Variants in EEIG1 observed in about 807,000 individuals in gnomAD.
The protein encoded by EEIG1 is early estrogen-induced gene 1 protein.
the EEIG1 span, among the ~76,000 whole-genome samples, chr9:127,954,203 G>A: frequency 2.0e-5 from 3 of 152,228 alleles, no homozygotes; most frequent in South Asian, 2.1e-4. Flanking sequence ...GCAACCTGCA[G>A]AGCCTCCCTC....
chr9:127,980,145 T>G, the EEIG1 span: 5 of 1,610,896 alleles, frequency 3.1e-6, no homozygotes, highest in East Asian at 9.0e-5. Context: ...CATGAGCGAG[T>G]TCCCTGAGTC....
chr9:127,980,139 A>G, the EEIG1 span: 1 of 1,611,870 alleles, frequency 6.2e-7, no homozygotes, highest in Non-Finnish European at 8.5e-7. Context: ...GAAAGCCATG[A>G]GCGAGTTCCC....
the EEIG1 span, among the ~76,000 whole-genome samples, chr9:127,975,315 C>T: frequency 1.4e-3 from 209 of 152,176 alleles, 2 homozygotes; most frequent in African/African-American, 4.8e-3. Context: ...TTGTGGTGGG[C>T]GGCCACGCGC....
At chr9:127,953,330 G>A in the EEIG1 span, 3 of 559,962 alleles carry the variant, frequency 5.4e-6, no homozygotes, top group South Asian at 7.0e-5. Flanking sequence ...CTGGAGAGAG[G>A]AAAGGGGACA....
the EEIG1 span, chr9:127,943,600 G>A: frequency 7.2e-6 from 2 of 276,354 alleles, no homozygotes; most frequent in Non-Finnish European, 1.4e-5. Flanking sequence ...AACCTGGTCA[G>A]CTCCTTTCCC....
chr9:127,949,034 G>A, the EEIG1 span, among the ~76,000 whole-genome samples: 55 of 151,414 alleles, frequency 3.6e-4, no homozygotes, highest in East Asian at 1.0e-2. Context: ...TGAGGCTTTC[G>A]GCCGGGTGCC....
At chr9:127,950,099 C>G in the EEIG1 span, among the ~76,000 whole-genome samples, 1 of 152,236 alleles carries the variant, frequency 6.6e-6, no homozygotes, top group African/African-American at 2.4e-5. Context: ...AAAGATACCA[C>G]AGCTCGTGGG....
the EEIG1 span, chr9:127,942,919 T>A: frequency 2.0e-6 from 1 of 504,644 alleles, no homozygotes; most frequent in Non-Finnish European, 3.6e-6. Context: ...GCCCACAAGC[T>A]GCACGGGCCC....
the EEIG1 span, among the ~76,000 whole-genome samples, chr9:127,960,931 G>A: frequency 1.3e-5 from 2 of 152,040 alleles, no homozygotes; most frequent in African/African-American, 4.8e-5. Context: ...CCCACGGGAA[G>A]AGGCAAGCAG....
At chr9:127,970,309 G>A in the EEIG1 span, among the ~76,000 whole-genome samples, 19,399 of 152,014 alleles carry the variant, frequency 0.13, 1,332 homozygotes, top group South Asian at 0.22. Flanking sequence ...AGTAGAGACG[G>A]GGTTTCACCT....
At chr9:127,971,792 A>G in the EEIG1 span, among the ~76,000 whole-genome samples, 1 of 152,354 alleles carries the variant, frequency 6.6e-6, no homozygotes. Context: ...CACAGAGTGT[A>G]CAAGGCCAAA....
the EEIG1 span, among the ~76,000 whole-genome samples, chr9:127,945,139 G>C: frequency 6.6e-6 from 1 of 152,170 alleles, no homozygotes; most frequent in Non-Finnish European, 1.5e-5. The surrounding 1 kb of genome is among the most constrained non-coding windows in gnomAD (Gnocchi z 6.5). Flanking sequence ...CCACCTAGCA[G>C]ATCGTGCTCT....
the EEIG1 span, among the ~76,000 whole-genome samples, chr9:127,977,028 C>A: frequency 4.6e-5 from 7 of 151,810 alleles, no homozygotes; most frequent in Non-Finnish European, 7.4e-5. Flanking sequence ...GGGTAGGAAC[C>A]CAGGAACCCA....
the EEIG1 span, among the ~76,000 whole-genome samples, chr9:127,960,715 T>C: frequency 6.6e-6 from 1 of 152,136 alleles, no homozygotes; most frequent in Non-Finnish European, 1.5e-5. Flanking sequence ...CCCTTTCCTT[T>C]TGAGAGTTTG....
the EEIG1 span, among the ~76,000 whole-genome samples, chr9:127,968,624 G>A: frequency 6.6e-6 from 1 of 152,158 alleles, no homozygotes; most frequent in African/African-American, 2.4e-5. Context: ...AGAGTGTAAG[G>A]GGCCAGGGGT....
At chr9:127,942,805 GC>G in the EEIG1 span, 3 of 278,362 alleles carry the variant, frequency 1.1e-5, no homozygotes, top group African/African-American at 2.2e-5. Flanking sequence ...AGGTAGAGAG[GC>G]CCCCTCAGCC....
chr9:127,967,870 A>G, the EEIG1 span, among the ~76,000 whole-genome samples: 25 of 151,750 alleles, frequency 1.6e-4, no homozygotes, highest in Middle Eastern at 3.4e-3. Context: ...ACTGACAGGC[A>G]CCTGGAGTTC....
chr9:127,974,074 C>T, the EEIG1 span, among the ~76,000 whole-genome samples: 2 of 152,290 alleles, frequency 1.3e-5, no homozygotes, highest in Middle Eastern at 3.4e-3. Context: ...GCCACTGTGC[C>T]CCCATCCATC....
At chr9:127,974,475 C>A in the EEIG1 span, among the ~76,000 whole-genome samples, 5 of 152,224 alleles carry the variant, frequency 3.3e-5, no homozygotes. Flanking sequence ...CGATCTCTTT[C>A]CTGTCCAATT....
Sources: allele counts gnomAD v4.1 joint callset (sites outside exome capture counted in the v4.1 genomes callset), GRCh38; gene constraint gnomAD v4.1.1; non-coding constraint Gnocchi (gnomAD v3.1); transcripts MANE v1.5; gene names NCBI Gene and HGNC (gene_info 2026-07-23, HGNC 2026-07-21).